Variants in CLECL1 observed in about 807,000 individuals in gnomAD.
CLECL1 encodes C-type lectin-like domain family 1.
intron 1 of CLECL1, among the ~76,000 whole-genome samples, chr12:9,731,982 A>G (rs757335893): frequency 3.9e-5 from 6 of 152,200 alleles, no homozygotes; most frequent in Non-Finnish European, 7.4e-5. Context: ...ATGTTTCACT[A>G]TTTCATAGGA....
At chr12:9,718,774 G>C, downstream of CLECL1, 1 of 700,776 alleles carries the variant, frequency 1.4e-6, no homozygotes, top group Admixed American at 2.0e-5. Flanking sequence ...AAGGTGATCA[G>C]CTGAAAACCA....
At chr12:9,731,117 A>G (rs1240208166) in intron 1 of CLECL1, among the ~76,000 whole-genome samples, 2 of 152,226 alleles carry the variant, frequency 1.3e-5, no homozygotes, top group Non-Finnish European at 2.9e-5. Context: ...AGTAAGATTT[A>G]AGCAAAGCAT....
chr12:9,719,610 C>A (rs1035292832), downstream of CLECL1, among the ~76,000 whole-genome samples: 1 of 152,178 alleles, frequency 6.6e-6, no homozygotes, highest in South Asian at 2.1e-4. Flanking sequence ...ATAAGCAGAG[C>A]GTGGTGGTGC....
chr12:9,704,339 G>C, the CLECL1 span, among the ~76,000 whole-genome samples: 2 of 152,100 alleles, frequency 1.3e-5, no homozygotes, highest in Non-Finnish European at 2.9e-5. Flanking sequence ...TGAAAATGTT[G>C]CTGCATTGTC....
chr12:9,717,423 T>C (rs1048243345), intron 2 of CLECL1, among the ~76,000 whole-genome samples: 1 of 152,242 alleles, frequency 6.6e-6, no homozygotes, highest in African/African-American at 2.4e-5. Context: ...GTCTTATCAA[T>C]GACTTGCAGT....
downstream of CLECL1, chr12:9,718,603 A>T: frequency 1.7e-6 from 1 of 597,734 alleles, no homozygotes; most frequent in Non-Finnish European, 3.0e-6. Flanking sequence ...ATGTGACTGT[A>T]TATGGAGACA....
chr12:9,707,169 A>G, the CLECL1 span, among the ~76,000 whole-genome samples: 1 of 152,180 alleles, frequency 6.6e-6, no homozygotes, highest in Non-Finnish European at 1.5e-5. Flanking sequence ...CATTTGAAAA[A>G]GCTGAAGGGT....
chr12:9,713,807 C>G (rs1268981626), downstream of CLECL1, among the ~76,000 whole-genome samples: 1 of 152,178 alleles, frequency 6.6e-6, no homozygotes, highest in Non-Finnish European at 1.5e-5. Context: ...GTTCCTATTA[C>G]TATTATTACT....
the CLECL1 span, among the ~76,000 whole-genome samples, chr12:9,706,341 G>A: frequency 6.6e-6 from 1 of 152,074 alleles, no homozygotes; most frequent in African/African-American, 2.4e-5. Context: ...CTTTGAATAT[G>A]CTTTATTTCT....
At chr12:9,702,542 C>T in the CLECL1 span, among the ~76,000 whole-genome samples, 16 of 152,126 alleles carry the variant, frequency 1.1e-4, no homozygotes, top group Admixed American at 7.9e-4. Flanking sequence ...TCTGTGATCC[C>T]AGGCTTGAGG....
downstream of CLECL1, among the ~76,000 whole-genome samples, chr12:9,715,220 T>C (rs1191128988): frequency 1.3e-5 from 2 of 152,230 alleles, no homozygotes; most frequent in African/African-American, 2.4e-5. Context: ...TATTTTCTGC[T>C]GCGTAACTTT....
At chr12:9,704,985 A>C in the CLECL1 span, among the ~76,000 whole-genome samples, 439 of 152,346 alleles carry the variant, frequency 2.9e-3, 4 homozygotes, top group African/African-American at 0.01. Context: ...AGAAATTGCC[A>C]TACTGTCTTC....
At chr12:9,707,953 A>T in the CLECL1 span, among the ~76,000 whole-genome samples, 1 of 152,194 alleles carries the variant, frequency 6.6e-6, no homozygotes, top group African/African-American at 2.4e-5. Flanking sequence ...TGGAGGTGCC[A>T]TGTATGCCTC....
chr12:9,732,655 G>A (rs1417301980), intron 1 of CLECL1, among the ~76,000 whole-genome samples: 4 of 152,204 alleles, frequency 2.6e-5, no homozygotes, highest in African/African-American at 7.2e-5. Context: ...GCAGAAAGGC[G>A]TGATCCCGCT....
At chr12:9,716,695 C>T in exon 3 of CLECL1, 1 of 939,624 alleles carries the variant, frequency 1.1e-6, no homozygotes, top group Non-Finnish European at 1.4e-6. Context: ...CAGAGACAGA[C>T]ATATGGATGC....
chr12:9,723,431 GAGAC>G lies in CLECL1; in HGVS notation n.263-622_263-619del, dbSNP rs1180174984. 1.4e-4 allele frequency among the ~76,000 whole-genome samples: 6 copies of G among 44,264 alleles called. No homozygotes were observed. In the East Asian group the frequency reaches 2.8e-3, roughly 21 times the overall value. The allele number at this position is 44,264 out of a possible 152,430, so 29.0% of individuals were successfully genotyped here. On this transcript the variant is annotated intron_variant and non_coding_transcript_variant, in intron 3 of 3. Coordinates refer to ENST00000621400, the Ensembl canonical transcript of CLECL1. ...TGTAAATAAATATTCTTTACACACA[GAGAC>G]AGACAGACACACACACACACACACG...
upstream of CLECL1, chr12:9,733,261 C>G (rs764597759): frequency 3.8e-6 from 6 of 1,599,314 alleles, no homozygotes; most frequent in Non-Finnish European, 5.1e-6. Context: ...AAATTACTAA[C>G]CATACAGTAG....
chr12:9,705,805 G>T, the CLECL1 span, among the ~76,000 whole-genome samples: 1,071 of 152,306 alleles, frequency 7.0e-3, 7 homozygotes, highest in African/African-American at 0.024. Flanking sequence ...CTGTAGCCTT[G>T]TAGTATAGTT....
At chr12:9,727,070 TA>T (rs1866388790) in intron 3 of CLECL1, among the ~76,000 whole-genome samples, 2 of 151,630 alleles carry the variant, frequency 1.3e-5, no homozygotes, top group East Asian at 3.8e-4. Flanking sequence ...AAATGTAAAT[TA>T]AAAAATTAAA....
Sources: gnomAD v4.1 joint callset for allele counts (sites outside exome capture counted in the v4.1 genomes callset) on GRCh38, gnomAD v4.1.1 for gene constraint, MANE v1.5 for transcripts, NCBI Gene and HGNC (gene_info 2026-07-23, HGNC 2026-07-21) for gene names.